The following HCN1 variants were observed in gnomAD, a reference collection of about 807,000 sequenced individuals.
HCN1 encodes potassium/sodium hyperpolarization-activated cyclic nucleotide-gated channel 1.
In HCN1, 13 loss-of-function variants were observed where a neutral mutation model predicts 78.9. The ratio of observed to expected loss-of-function variants is 0.16; its 90% CI spans 0.11 to 0.26. The LOEUF (loss-of-function observed/expected upper bound fraction) is 0.26, where lower values mean the gene tolerates loss of function less well. Ranked by LOEUF, HCN1 falls within the 10% of genes least tolerant of loss-of-function variation. HCN1 has a pLI of 1.00. For missense variants in HCN1, 810 were observed against 1,154.3 expected, an observed-to-expected ratio of 0.70 and a Z score of 4.32; for synonymous variants, 552 against 455.5, an observed-to-expected ratio of 1.21 and a Z score of -2.70.
At position 45,576,971 on chromosome 5, in the gene HCN1, C is replaced by A. The variant is rs1579978680; in HGVS notation, c.849+68214G>T. 3.3e-5 allele frequency among the ~76,000 whole-genome samples: 5 copies of A among 152,088 alleles called. No individual in the cohort carries two copies. In the South Asian group the frequency reaches 8.3e-4, roughly 25 times the overall value. On this transcript the variant is annotated intron_variant, in intron 2 of 7. Coordinates refer to ENST00000303230, the MANE Select transcript of HCN1 (RefSeq NM_021072.4). ...ACCCTCTATGCAAACTTAAAGCATTCTTTTTATAAATGTTTTTGATGTCTC... is the reference window on the plus strand; with the variant it reads ...ACCCTCTATGCAAACTTAAAGCATTATTTTTATAAATGTTTTTGATGTCTC...
chr5:45,574,545 T>C (rs1743900720), intron 2 of HCN1: 2 of 152,080 alleles, frequency 1.3e-5, no homozygotes, highest in South Asian at 2.1e-4. Context: ...ATATTGTAAT[T>C]AGTCCAATTA....
chr5:45,516,647 G>A (rs1393223508), intron 2 of HCN1, among the ~76,000 whole-genome samples: 4 of 151,790 alleles, frequency 2.6e-5, no homozygotes, highest in African/African-American at 7.2e-5. Context: ...GTCAACTCCA[G>A]GATTAACTGC....
At chr5:45,302,528 G>A (rs2111902878) in intron 6 of HCN1, among the ~76,000 whole-genome samples, 1 of 151,888 alleles carries the variant, frequency 6.6e-6, no homozygotes, top group South Asian at 2.1e-4. Context: ...GAAGCAATTT[G>A]GTGTTATTTG....
rs184906750 is a variant in HCN1 at position 45,501,215 on chromosome 5, T to C, written c.850-39208A>G. Reference sequence around the variant, plus strand: ...GTGCTAAACAATCCTGATTCTACCATATTATACTTGAGAGAAAATAATATT... The same window carrying C: ...GTGCTAAACAATCCTGATTCTACCACATTATACTTGAGAGAAAATAATATT... On this transcript the variant is annotated intron_variant, in intron 2 of 7. Transcript: ENST00000303230. Among the ~76,000 whole-genome samples the C allele has an allele frequency of 2.7e-3, 408 of 152,278 alleles. 2 individuals carry two copies. Among genetic ancestry groups the C allele is most frequent in the African/African-American group, 9.1e-3 (377 of 41,562 alleles).
chr5:45,657,423 A>T (rs1745794291), intron 1 of HCN1, among the ~76,000 whole-genome samples: 1 of 152,182 alleles, frequency 6.6e-6, no homozygotes, highest in Non-Finnish European at 1.5e-5. Context: ...ACACATATGG[A>T]TGATATGATG....
chr5:45,553,960 C>T (rs1326094807), intron 2 of HCN1, among the ~76,000 whole-genome samples: 2 of 151,872 alleles, frequency 1.3e-5, no homozygotes, highest in Non-Finnish European at 1.5e-5. Flanking sequence ...TAGTCATATT[C>T]TCCCACCATC....
At chr5:45,264,093 TC>T (rs1443327007) in intron 7 of HCN1, among the ~76,000 whole-genome samples, 2 of 152,214 alleles carry the variant, frequency 1.3e-5, no homozygotes, top group Admixed American at 1.3e-4. Context: ...ACGCCCAGCT[TC>T]CCCAGGGAAT....
At chr5:45,264,306 T>G (rs781726642) in intron 7 of HCN1, among the ~76,000 whole-genome samples, 8 of 152,170 alleles carry the variant, frequency 5.3e-5, no homozygotes, top group Non-Finnish European at 1.2e-4. Flanking sequence ...TTTGCAATAC[T>G]AGACAGTCTC....
chr5:45,354,282 G>A (rs1251481554), intron 4 of HCN1, among the ~76,000 whole-genome samples: 1 of 151,612 alleles, frequency 6.6e-6, no homozygotes, highest in African/African-American at 2.4e-5. Flanking sequence ...CAAATGCAGG[G>A]GGTCATAAGA....
At chr5:45,486,413 T>C (rs2111687670) in intron 2 of HCN1, among the ~76,000 whole-genome samples, 1 of 152,304 alleles carries the variant, frequency 6.6e-6, no homozygotes, top group Non-Finnish European at 1.5e-5. Flanking sequence ...CCTTGTTTTT[T>C]ACCCAACATG....
chr5:45,310,440 A>C (rs2111915509), intron 5 of HCN1, among the ~76,000 whole-genome samples: 1 of 152,320 alleles, frequency 6.6e-6, no homozygotes, highest in African/African-American at 2.4e-5. Context: ...ATCATTAAAG[A>C]CATGTAAATC....
intron 3 of HCN1, among the ~76,000 whole-genome samples, chr5:45,412,021 C>A (rs147520507): frequency 6.6e-6 from 1 of 152,182 alleles, no homozygotes; most frequent in African/African-American, 2.4e-5. Flanking sequence ...CTTGCCTTAA[C>A]CTCCTCCAAT....
At chr5:45,694,792 C>T (rs1263826499) in intron 1 of HCN1, among the ~76,000 whole-genome samples, 1 of 152,226 alleles carries the variant, frequency 6.6e-6, no homozygotes, top group Non-Finnish European at 1.5e-5. Flanking sequence ...CGAACGAATA[C>T]TTGAGCGACA....
At chr5:45,527,687 C>A (rs1385145729) in intron 2 of HCN1, among the ~76,000 whole-genome samples, 2 of 151,800 alleles carry the variant, frequency 1.3e-5, no homozygotes, top group African/African-American at 4.8e-5. Context: ...GATAGATACT[C>A]TTCTTTTGAG....
chr5:45,607,784 T>C (rs973695196), intron 2 of HCN1, among the ~76,000 whole-genome samples: 2 of 151,630 alleles, frequency 1.3e-5, no homozygotes, highest in Non-Finnish European at 3.0e-5. Flanking sequence ...AGGGATAATA[T>C]TGATGGGATA....
intron 5 of HCN1, among the ~76,000 whole-genome samples, chr5:45,307,330 C>T (rs1275067471): frequency 6.6e-6 from 1 of 152,028 alleles, no homozygotes; most frequent in Non-Finnish European, 1.5e-5. Context: ...AATTACCAAA[C>T]CCTTAAGGAT....
chr5:45,656,909 G>A (rs150582651), intron 1 of HCN1, among the ~76,000 whole-genome samples: 1 of 151,864 alleles, frequency 6.6e-6, no homozygotes, highest in Non-Finnish European at 1.5e-5. Flanking sequence ...AAATAAGAAT[G>A]CCATTTCTAT....
At chr5:45,345,686 G>C (rs1394613178) in intron 5 of HCN1, among the ~76,000 whole-genome samples, 1 of 152,094 alleles carries the variant, frequency 6.6e-6, no homozygotes, top group Non-Finnish European at 1.5e-5. Context: ...TCTCAGCCTG[G>C]GCTTTATTGA....
At chr5:45,552,836 T>G (rs1235310910) in intron 2 of HCN1, among the ~76,000 whole-genome samples, 1 of 151,900 alleles carries the variant, frequency 6.6e-6, no homozygotes, top group African/African-American at 2.4e-5. Context: ...TAAGGATAAA[T>G]GGACTCTACA....
Sources: allele counts gnomAD v4.1 joint callset (sites outside exome capture counted in the v4.1 genomes callset), GRCh38; gene constraint gnomAD v4.1.1; transcripts MANE v1.5; gene names NCBI Gene and HGNC (gene_info 2026-07-23, HGNC 2026-07-21).